Variants in SYTL3 observed in about 807,000 individuals in gnomAD.
SYTL3 encodes the protein synaptotagmin-like protein 3.
Under a neutral mutation model 82.1 loss-of-function variants are expected in SYTL3, and 88 were observed. The observed-to-expected ratio is 1.07, with a 90% CI of 0.90 to 1.28. SYTL3 has a LOEUF of 1.28. Ranked by LOEUF, SYTL3 falls within the 50% of genes most tolerant of loss-of-function variation. SYTL3 has a pLI of 0.00. For missense variants in SYTL3, 831 were observed against 757.6 expected, an observed-to-expected ratio of 1.10 and a Z score of -1.14; for synonymous variants, 311 against 289.4, an observed-to-expected ratio of 1.07 and a Z score of -0.76.
intron 11 of SYTL3, among the ~76,000 whole-genome samples, chr6:158,734,908 G>A (rs1012150556): frequency 6.6e-6 from 1 of 152,228 alleles, no homozygotes; most frequent in Admixed American, 6.5e-5. Flanking sequence ...GGAAGGTGCT[G>A]TTATCCCATT....
chr6:158,739,994 C>CTTTTTTTTTTTTTTTTTTT, intron 11 of SYTL3, among the ~76,000 whole-genome samples: 1 of 105,576 alleles, frequency 9.5e-6, no homozygotes, highest in Non-Finnish European at 1.8e-5. Flanking sequence ...AGGCAACTTA[C>CTTTTTTTTTTTTTTTTTTT]TTTTTTTTTT....
chr6:158,748,919 G>T (rs913562654), intron 12 of SYTL3, among the ~76,000 whole-genome samples: 9 of 151,734 alleles, frequency 5.9e-5, no homozygotes, highest in African/African-American at 1.9e-4. Context: ...AGCACTTGCA[G>T]ACATTCAAGT....
At chr6:158,708,450 G>A (rs773871834) in intron 8 of SYTL3, 59 bp downstream of exon 8, 13 of 1,519,672 alleles carry the variant, frequency 8.6e-6, no homozygotes, top group Non-Finnish European at 1.0e-5. Flanking sequence ...AGGAGAGGAA[G>A]CAGGGGAGCT....
intron 3 of SYTL3, among the ~76,000 whole-genome samples, chr6:158,662,466 A>AT (rs1789495034): frequency 6.6e-6 from 1 of 152,170 alleles, no homozygotes; most frequent in Non-Finnish European, 1.5e-5. Context: ...TGGGAATGTC[A>AT]TTTTTCCAGT....
Position 158,747,432 on chromosome 6 carries a change from G to T in SYTL3, c.1034+1774G>T, listed in dbSNP as rs140308425. 1.1e-3 allele frequency among the ~76,000 whole-genome samples: 160 copies of T among 152,060 alleles called. No homozygotes were observed. The South Asian group carries it at 0.014, about 14-fold the overall frequency. On this transcript the variant is annotated intron_variant, in intron 12 of 17. Coordinates refer to ENST00000611299, the MANE Select transcript of SYTL3 (RefSeq NM_001242394.2). ...CTTGGAGTGCAGTGGTGCCACTATA[G>T]CTCACTGCAGCCTCAAAGTCCTAGT...
intron 11 of SYTL3, chr6:158,726,536 A>C (rs1284080763): frequency 5.1e-6 from 1 of 196,674 alleles, no homozygotes; most frequent in African/African-American, 2.4e-5. Flanking sequence ...GACTGAATAT[A>C]AATACTCATT....
intron 2 of SYTL3, among the ~76,000 whole-genome samples, chr6:158,660,835 G>C (rs1371683891): frequency 1.3e-5 from 2 of 152,200 alleles, no homozygotes; most frequent in Admixed American, 6.5e-5. Context: ...GGGAGGCTGA[G>C]ACAGGAGGAC....
Position 158,763,511 on chromosome 6 carries a change from T to G in SYTL3, c.1723+2T>G. ...TTGGAGGAACCAGACTTGGTTCAAGTAAGTCTGAGACATTGAGCCCAAACG... is the reference window on the plus strand; with the variant it reads ...TTGGAGGAACCAGACTTGGTTCAAGGAAGTCTGAGACATTGAGCCCAAACG... On this transcript the variant is annotated splice_donor_variant, in intron 17 of 17. Transcript: ENST00000611299. LOFTEE classifies it high-confidence loss of function. The G allele has an allele frequency of 6.2e-7, 1 of 1,612,812 alleles. No individual in the cohort carries two copies. The highest frequency in any genetic ancestry group is 1.1e-5 in the South Asian group (1 of 91,056).
At chr6:158,649,293 A>G (rs1339590672), upstream of SYTL3, among the ~76,000 whole-genome samples, 1 of 152,022 alleles carries the variant, frequency 6.6e-6, no homozygotes, top group East Asian at 1.9e-4. Context: ...TGCCACTCAC[A>G]CTCCATGACC....
chr6:158,687,005 G>T (rs760287719), intron 6 of SYTL3, among the ~76,000 whole-genome samples: 5 of 152,156 alleles, frequency 3.3e-5, no homozygotes, highest in Non-Finnish European at 5.9e-5. Flanking sequence ...TCATGGTACC[G>T]GCAATACTCT....
chr6:158,692,728 G>C (rs1027971426), intron 6 of SYTL3, among the ~76,000 whole-genome samples: 5 of 150,904 alleles, frequency 3.3e-5, no homozygotes, highest in Non-Finnish European at 5.9e-5. Flanking sequence ...ACGAGATCAG[G>C]AGATGGAGAC....
In SYTL3 at chr6:158,690,121, C is replaced by T. The variant is rs545750465; in HGVS notation, c.394+7132C>T. Among the ~76,000 whole-genome samples the T allele has an allele frequency of 4.1e-4, 62 of 152,372 alleles. No individual in the cohort carries two copies. The South Asian group carries it at 4.3e-3, about 11-fold the overall frequency. On this transcript the variant is annotated intron_variant, in intron 6 of 17. Transcript: ENST00000611299. The stretch of plus-strand genomic sequence containing the variant: ...CCTTGTGCCCAGCCCTGCGCTCCAG[C>T]GGGTGCTGTCTCATAGAGGACACAC...
chr6:158,742,232 A>G (rs1787018568), intron 11 of SYTL3, among the ~76,000 whole-genome samples: 2 of 152,280 alleles, frequency 1.3e-5, no homozygotes, highest in African/African-American at 2.4e-5. Context: ...ACATAACCAC[A>G]TTTATTCAAG....
At chr6:158,745,750 TAAA>T in intron 12 of SYTL3, 92 bp downstream of exon 12, 2 of 799,780 alleles carry the variant, frequency 2.5e-6, no homozygotes, top group Non-Finnish European at 3.6e-6. Flanking sequence ...AGACAATTAT[TAAA>T]AAAAAAAACA....
At chr6:158,710,637 G>A (rs1782660959) in intron 8 of SYTL3, among the ~76,000 whole-genome samples, 3 of 152,128 alleles carry the variant, frequency 2.0e-5, no homozygotes, top group Non-Finnish European at 4.4e-5. Context: ...TGTGTGAAGG[G>A]GCAGAATTCA....
intron 6 of SYTL3, among the ~76,000 whole-genome samples, chr6:158,687,996 CAGAT>C (rs1435176855): frequency 2.6e-5 from 4 of 152,182 alleles, no homozygotes; most frequent in African/African-American, 9.7e-5. Context: ...TGTGTGTGCA[CAGAT>C]AGACTTATCC....
intron 5 of SYTL3, among the ~76,000 whole-genome samples, chr6:158,677,107 A>T (rs1254784023): frequency 1.3e-5 from 2 of 152,192 alleles, no homozygotes; most frequent in African/African-American, 2.4e-5. Context: ...ACATGCACAC[A>T]TATGTTTATC....
intron 10 of SYTL3, among the ~76,000 whole-genome samples, chr6:158,723,931 G>A (rs1174643741): frequency 6.6e-6 from 1 of 152,190 alleles, no homozygotes; most frequent in Non-Finnish European, 1.5e-5. Flanking sequence ...CTACGTGTCT[G>A]TAGGTCTAGG....
intron 6 of SYTL3, among the ~76,000 whole-genome samples, chr6:158,687,731 A>G (rs567787136): frequency 6.0e-4 from 83 of 138,304 alleles, no homozygotes; most frequent in African/African-American, 2.7e-3. Context: ...CTCACTTCCA[A>G]CGTAGCAGCT....
Sources: allele counts gnomAD v4.1 joint callset (sites outside exome capture counted in the v4.1 genomes callset), GRCh38; gene constraint gnomAD v4.1.1; transcripts MANE v1.5; gene names NCBI Gene and HGNC (gene_info 2026-07-23, HGNC 2026-07-21).